Variants in PTPN20 observed in about 807,000 individuals in gnomAD.
PTPN20 encodes protein tyrosine phosphatase non-receptor type 20.
Under a neutral mutation model 35.0 loss-of-function variants are expected in PTPN20, and 9 were observed. The ratio of observed to expected loss-of-function variants is 0.26; its 90% CI spans 0.15 to 0.45. The LOEUF (loss-of-function observed/expected upper bound fraction) is 0.45. Ranked by LOEUF, PTPN20 falls within the 20% of genes least tolerant of loss-of-function variation. The pLI is 1.00. For missense variants in PTPN20, 111 were observed against 312.5 expected (o/e 0.36, Z 4.86); for synonymous variants, 32 against 100.2 (o/e 0.32, Z 4.06).
Position 46,999,845 on chromosome 10 carries a change from T to C in PTPN20, c.1135-67T>C, listed in dbSNP as rs1280171086. ...ATCTTGACATCTCTTTCACCCTTTTTGGCAATCTGTGAATTTGTGTTTTTC... is the reference window on the plus strand; with the variant it reads ...ATCTTGACATCTCTTTCACCCTTTTCGGCAATCTGTGAATTTGTGTTTTTC... On this transcript the variant is annotated intron_variant, in intron 9 of 10. Transcript: ENST00000374339. The C allele has an allele frequency of 3.2e-6, 5 of 1,564,636 alleles. No individual in the cohort carries two copies. The African/African-American group carries it at 5.4e-5, about 17-fold the overall frequency.
chr10:46,970,637 C>T (rs1589702496), intron 7 of PTPN20, among the ~76,000 whole-genome samples: 2 of 151,502 alleles, frequency 1.3e-5, no homozygotes, highest in East Asian at 3.9e-4. Flanking sequence ...GACACTGCTA[C>T]TGCTCAAAAG....
chr10:46,937,301 T>G (rs1281070853), intron 2 of PTPN20, among the ~76,000 whole-genome samples: 3 of 148,288 alleles, frequency 2.0e-5, no homozygotes, highest in Non-Finnish European at 3.0e-5. Flanking sequence ...CTGTTTTCTC[T>G]GGCATTTTTT....
At chr10:46,926,648 T>C (rs1351206731) in intron 1 of PTPN20, among the ~76,000 whole-genome samples, 1 of 150,636 alleles carries the variant, frequency 6.6e-6, no homozygotes, top group Admixed American at 6.6e-5. Context: ...GGTTCAACGA[T>C]TGGATAGAAG....
intron 7 of PTPN20, among the ~76,000 whole-genome samples, chr10:46,982,714 A>C (rs2055799041): frequency 6.6e-6 from 1 of 151,290 alleles, no homozygotes; most frequent in Non-Finnish European, 1.5e-5. Flanking sequence ...TTTACTATGA[A>C]GTAATTTATA....
chr10:46,947,166 A>C (rs1662794833), intron 5 of PTPN20, among the ~76,000 whole-genome samples: 2 of 144,650 alleles, frequency 1.4e-5, no homozygotes, highest in Admixed American at 7.0e-5. Flanking sequence ...ATATAATATA[A>C]ATGTAATTAG....
At chr10:46,994,850 G>A (rs977326147) in intron 9 of PTPN20, among the ~76,000 whole-genome samples, 2 of 151,898 alleles carry the variant, frequency 1.3e-5, no homozygotes, top group Non-Finnish European at 2.9e-5. Context: ...TCAAGTAGCC[G>A]GTTTTCAAGC....
intron 9 of PTPN20, among the ~76,000 whole-genome samples, chr10:46,992,762 T>C (rs2058239341): frequency 6.6e-6 from 1 of 152,346 alleles, no homozygotes; most frequent in Non-Finnish European, 1.5e-5. Context: ...TCTGGCGAGC[T>C]AGTACAATTG....
At chr10:46,937,595 T>A (rs1205456515) in intron 2 of PTPN20, among the ~76,000 whole-genome samples, 6 of 150,204 alleles carry the variant, frequency 4.0e-5, no homozygotes, top group Non-Finnish European at 7.4e-5. Flanking sequence ...AGACACTGAT[T>A]TTTTTTCCTT....
At chr10:46,930,005 T>C (rs1555117409) in intron 1 of PTPN20, among the ~76,000 whole-genome samples, 1 of 143,656 alleles carries the variant, frequency 7.0e-6, no homozygotes, top group Non-Finnish European at 1.5e-5. Context: ...TTTTAAGATA[T>C]ACTAGAAAAC....
In PTPN20 at chr10:47,000,810, T is replaced by C; in HGVS notation, c.*69T>C. The C allele has an allele frequency of 6.4e-7, 1 of 1,570,476 alleles. No homozygotes were observed. Among genetic ancestry groups the C allele is most frequent in the Non-Finnish European group, 8.8e-7 (1 of 1,140,496 alleles). On this transcript the variant is annotated 3_prime_UTR_variant, in exon 11 of 11. Coordinates refer to ENST00000374339, the MANE Select transcript of PTPN20 (RefSeq NM_001042357.5). Reference sequence around the variant, plus strand: ...TGCACCTCCTCATAAAGAACATGTTTGCACTGTGCTGAAGGGCTTTGCTAT... The same window carrying C: ...TGCACCTCCTCATAAAGAACATGTTCGCACTGTGCTGAAGGGCTTTGCTAT...
At chr10:46,937,370 T>A (rs1468300731) in intron 2 of PTPN20, among the ~76,000 whole-genome samples, 2 of 152,018 alleles carry the variant, frequency 1.3e-5, no homozygotes, top group African/African-American at 4.8e-5. Flanking sequence ...GCTCATATAT[T>A]ACATTTGTAT....
At chr10:46,943,014 A>T (rs1589416731) in intron 3 of PTPN20, among the ~76,000 whole-genome samples, 1 of 151,970 alleles carries the variant, frequency 6.6e-6, no homozygotes, top group Non-Finnish European at 1.5e-5. Flanking sequence ...CAAAAATACT[A>T]GATGTAAAAA....
chr10:47,001,778 T>A lies in PTPN20; in HGVS notation c.*1037T>A, dbSNP rs1417658333. 1 of 152,112 alleles carries A rather than the reference T, an allele frequency of 6.6e-6. No individual in the cohort carries two copies. Among genetic ancestry groups the A allele is most frequent in the East Asian group, 1.9e-4 (1 of 5,184 alleles). The allele number at this position is 152,112 out of a possible 1,614,324, so 9.4% of individuals were successfully genotyped here. Reference sequence around the variant, plus strand: ...AAAACCAGATTCATAGTCATGAAAATGGAAACTTCCATATTCTGTTTTTGA... The same window carrying A: ...AAAACCAGATTCATAGTCATGAAAAAGGAAACTTCCATATTCTGTTTTTGA... On this transcript the variant is annotated 3_prime_UTR_variant, in exon 11 of 11. Transcript: ENST00000374339.
At chr10:46,946,867 G>C (rs1364941647) in intron 5 of PTPN20, 192 bp downstream of exon 5, 2 of 543,758 alleles carry the variant, frequency 3.7e-6, no homozygotes, top group African/African-American at 4.0e-5. Flanking sequence ...TATTCACAAT[G>C]GCTAATTCCT....
intron 9 of PTPN20, 84 bp from the exon 10 acceptor site, chr10:46,999,828 A>G (rs925965123): frequency 2.7e-6 from 4 of 1,486,968 alleles, no homozygotes; most frequent in Non-Finnish European, 3.7e-6. Context: ...AAATCTTGAC[A>G]TCTCTTTCAC....
In PTPN20 at chr10:46,995,753, C is replaced by T. The variant is rs34658510; in HGVS notation, c.1135-4159C>T. On this transcript the variant is annotated intron_variant, in intron 9 of 10. Transcript: ENST00000374339. ...GCCAGGTAACCCAGATGGTGGGAAACCTGGATGTCACCTTTTCTGGTATAG... is the reference window on the plus strand; with the variant it reads ...GCCAGGTAACCCAGATGGTGGGAAATCTGGATGTCACCTTTTCTGGTATAG... Among the ~76,000 whole-genome samples, 6 of 152,124 alleles carry T rather than the reference C, an allele frequency of 3.9e-5. No individual in the cohort carries two copies. The East Asian group carries it at 1.2e-3, about 29-fold the overall frequency.
chr10:46,993,076 G>A (rs1333685941), intron 9 of PTPN20, among the ~76,000 whole-genome samples: 1 of 152,170 alleles, frequency 6.6e-6, no homozygotes, highest in Admixed American at 6.5e-5. Flanking sequence ...AGTTTGGGGT[G>A]TTGTAATTTA....
At chr10:46,949,083 G>T (rs1187913929) in intron 5 of PTPN20, among the ~76,000 whole-genome samples, 1 of 151,732 alleles carries the variant, frequency 6.6e-6, no homozygotes, top group Non-Finnish European at 1.5e-5. Context: ...AGGGATTGCT[G>T]CTCCTCCTCC....
chr10:47,003,084 G>C (rs2382742), downstream of PTPN20, among the ~76,000 whole-genome samples: 151,487 of 152,142 alleles, frequency 1, 75,421 homozygotes, highest in East Asian at 1. Context: ...TAAGTAAAAA[G>C]AAGTCATTGG....
Sources: allele counts gnomAD v4.1 joint callset (sites outside exome capture counted in the v4.1 genomes callset), GRCh38; gene constraint gnomAD v4.1.1; transcripts MANE v1.5; gene names NCBI Gene and HGNC (gene_info 2026-07-23, HGNC 2026-07-21).